The following HPSE2 variants were observed in gnomAD, a reference collection of about 807,000 sequenced individuals.
HPSE2 encodes inactive heparanase-2.
A neutral mutation model predicts 60.5 loss-of-function variants in HPSE2; 38 were observed. That is an observed-to-expected ratio of 0.63 (90% confidence interval 0.48 to 0.82). HPSE2 has a LOEUF of 0.82. Ranked by LOEUF, HPSE2 falls within the 40% of genes least tolerant of loss-of-function variation. The pLI, the probability that HPSE2 is intolerant of heterozygous loss-of-function variation, is 0.00. For synonymous variants in HPSE2, 295 were observed against 293.2 expected (o/e 1.01, Z -0.06); for missense variants, 713 against 740.4 (o/e 0.96, Z 0.43).
intron 3 of HPSE2, among the ~76,000 whole-genome samples, chr10:98,878,308 G>A (rs528197294): frequency 6.6e-6 from 1 of 152,044 alleles, no homozygotes; most frequent in East Asian, 1.9e-4. Flanking sequence ...GCCTCCTTGA[G>A]GAAATGATGT....
intron 6 of HPSE2, among the ~76,000 whole-genome samples, chr10:98,684,613 G>A (rs1947865831): frequency 6.6e-6 from 1 of 152,060 alleles, no homozygotes; most frequent in African/African-American, 2.4e-5. Context: ...GTAAGTTTGG[G>A]TATATGAATG....
chr10:99,225,535 T>C (rs944737909), intron 2 of HPSE2, among the ~76,000 whole-genome samples: 1 of 152,074 alleles, frequency 6.6e-6, no homozygotes, highest in Non-Finnish European at 1.5e-5. Context: ...AAACTTGCAA[T>C]GTAAGGATCT....
intron 2 of HPSE2, among the ~76,000 whole-genome samples, chr10:99,179,625 A>T (rs1225463907): frequency 6.6e-6 from 1 of 152,222 alleles, no homozygotes; most frequent in Non-Finnish European, 1.5e-5. Context: ...AAACAAATGG[A>T]AAAACATTCC....
chr10:99,215,608 C>T (rs181582996), intron 2 of HPSE2, among the ~76,000 whole-genome samples: 7 of 152,258 alleles, frequency 4.6e-5, no homozygotes, highest in Admixed American at 4.6e-4. Context: ...CACATGTATC[C>T]CTGGAATTTA....
At chr10:99,043,135 A>G (rs1392464222) in intron 3 of HPSE2, among the ~76,000 whole-genome samples, 1 of 152,174 alleles carries the variant, frequency 6.6e-6, no homozygotes, top group Non-Finnish European at 1.5e-5. Context: ...GGCAATTCAA[A>G]AAGCCAGTGT....
chr10:98,511,891 C>T (rs977347073), intron 9 of HPSE2, among the ~76,000 whole-genome samples: 11 of 152,182 alleles, frequency 7.2e-5, no homozygotes, highest in Admixed American at 1.3e-4. Flanking sequence ...ATAAATGCTC[C>T]GAAGTGTGAT....
At chr10:99,024,270 G>C (rs1432254765) in intron 3 of HPSE2, among the ~76,000 whole-genome samples, 1 of 151,988 alleles carries the variant, frequency 6.6e-6, no homozygotes, top group Non-Finnish European at 1.5e-5. Flanking sequence ...TTGAAGACAG[G>C]CTATTTAAAA....
At chr10:99,256,942 C>A in the HPSE2 span, among the ~76,000 whole-genome samples, 1 of 152,176 alleles carries the variant, frequency 6.6e-6, no homozygotes, top group Non-Finnish European at 1.5e-5. Context: ...GGCAGAATAA[C>A]GTGGATTGTG....
At chr10:98,773,949 G>T (rs891563500) in intron 3 of HPSE2, among the ~76,000 whole-genome samples, 2 of 152,008 alleles carry the variant, frequency 1.3e-5, no homozygotes, top group African/African-American at 4.8e-5. Flanking sequence ...TCCACCTACT[G>T]GGGGGCTGAG....
At chr10:99,156,300 AAG>A (rs1846555658) in intron 2 of HPSE2, among the ~76,000 whole-genome samples, 1 of 125,732 alleles carries the variant, frequency 8.0e-6, no homozygotes, top group Non-Finnish European at 1.8e-5. Flanking sequence ...ACAACCAAAA[AAG>A]AGAATTTTAG....
At chr10:98,713,138 T>G (rs2134225385) in intron 5 of HPSE2, among the ~76,000 whole-genome samples, 1 of 151,950 alleles carries the variant, frequency 6.6e-6, no homozygotes, top group Admixed American at 6.6e-5. Flanking sequence ...ACCAGGCCCA[T>G]GAGGACTGAG....
At chr10:99,009,546 T>C (rs1312952656) in intron 3 of HPSE2, among the ~76,000 whole-genome samples, 1 of 152,196 alleles carries the variant, frequency 6.6e-6, no homozygotes, top group Admixed American at 6.5e-5. Context: ...GATTCAACAG[T>C]GGACCAGAGG....
intron 9 of HPSE2, among the ~76,000 whole-genome samples, chr10:98,594,465 C>A (rs1433593120): frequency 1.3e-5 from 2 of 151,852 alleles, no homozygotes; most frequent in Non-Finnish European, 2.9e-5. Context: ...TTAGTGGAGT[C>A]TTTAGGATTT....
intron 9 of HPSE2, among the ~76,000 whole-genome samples, chr10:98,553,488 T>C (rs998884308): frequency 6.6e-6 from 1 of 152,182 alleles, no homozygotes; most frequent in Admixed American, 6.5e-5. Context: ...CAGACATGCA[T>C]CATTATTGAA....
intron 3 of HPSE2, among the ~76,000 whole-genome samples, chr10:98,954,330 A>T (rs1202646006): frequency 6.6e-6 from 1 of 152,090 alleles, no homozygotes; most frequent in Non-Finnish European, 1.5e-5. Context: ...AAAGGAAAAA[A>T]AAAGAGCACT....
At position 98,938,229 on chromosome 10, in the gene HPSE2, G is replaced by C. The variant is rs1469164187; in HGVS notation, c.611-194173C>G. ...AGTTCCTCACCAGCAACGGAACAAA[G>C]CTGGACGGAGAATGACTTTGACGAG... On this transcript the variant is annotated intron_variant, in intron 3 of 11. Coordinates refer to ENST00000370552, the MANE Select transcript of HPSE2 (RefSeq NM_021828.5). 5.5e-5 allele frequency among the ~76,000 whole-genome samples: 8 copies of C among 145,026 alleles called. 1 individual carries two copies. The highest frequency in any genetic ancestry group is 1.2e-4 in the Non-Finnish European group (8 of 67,376).
intron 3 of HPSE2, among the ~76,000 whole-genome samples, chr10:98,974,613 G>A (rs1449836159): frequency 2.0e-5 from 3 of 152,154 alleles, no homozygotes; most frequent in Non-Finnish European, 2.9e-5. Flanking sequence ...AAAGTCTACA[G>A]CAACTTTATA....
chr10:98,635,722 C>T (rs1238612019), intron 7 of HPSE2, among the ~76,000 whole-genome samples: 1 of 146,588 alleles, frequency 6.8e-6, no homozygotes, highest in African/African-American at 2.5e-5. Flanking sequence ...TTTAAGGCTG[C>T]AGTGAGCTAT....
At chr10:99,061,965 T>C (rs1057243694) in intron 3 of HPSE2, among the ~76,000 whole-genome samples, 4 of 152,022 alleles carry the variant, frequency 2.6e-5, no homozygotes, top group Admixed American at 2.0e-4. Flanking sequence ...AAGGTCATGG[T>C]GGTGGTGAGG....
Sources: allele counts gnomAD v4.1 joint callset (sites outside exome capture counted in the v4.1 genomes callset), GRCh38; gene constraint gnomAD v4.1.1; transcripts MANE v1.5; gene names NCBI Gene and HGNC (gene_info 2026-07-23, HGNC 2026-07-21).